The following COL9A3 variants were observed in gnomAD, a reference collection of about 807,000 sequenced individuals.
The protein encoded by COL9A3 is collagen alpha-3(IX) chain.
In COL9A3, 82 loss-of-function variants were observed where a neutral mutation model predicts 110.2. The ratio of observed to expected loss-of-function variants is 0.74; its 90% confidence interval spans 0.62 to 0.89. COL9A3 has a LOEUF of 0.89. Among genes scored for constraint, COL9A3 ranks in the 40% least tolerant of loss-of-function variants. The pLI is 0.00. For synonymous variants in COL9A3, 494 were observed against 403.8 expected, an observed-to-expected ratio of 1.22 and a Z score of -2.68; for missense variants, 1,066 against 981.3, an observed-to-expected ratio of 1.09 and a Z score of -1.15.
At chr20:62,836,079 T>G (rs2063632420) in intron 27 of COL9A3, 108 bp from the exon 28 acceptor site, 2 of 1,603,978 alleles carry the variant, frequency 1.2e-6, no homozygotes, top group Non-Finnish European at 1.7e-6. Context: ...AAGCTTGCTC[T>G]GGTCAAGGCT....
At chr20:62,836,772 G>C in intron 29 of COL9A3, 1 of 621,466 alleles carries the variant, frequency 1.6e-6, no homozygotes, top group Middle Eastern at 4.4e-4. Context: ...CGCAGCAGAC[G>C]CCCTAAAGCC....
chr20:62,825,262 A>G (rs1786106112), intron 12 of COL9A3, among the ~76,000 whole-genome samples: 1 of 152,114 alleles, frequency 6.6e-6, no homozygotes, highest in African/African-American at 2.4e-5. Context: ...TCTTCCAGAC[A>G]GGGCCTGGCT....
At chr20:62,822,563 G>T in intron 9 of COL9A3, 28 bp from the exon 10 acceptor site, 2 of 1,611,580 alleles carry the variant, frequency 1.2e-6, no homozygotes, top group Non-Finnish European at 1.7e-6. Context: ...GAGGGCGGGA[G>T]AATGTCAGCT....
In COL9A3 at chr20:62,822,648, C is replaced by T. The variant is rs1357270570; in HGVS notation, c.519+16C>T. 2.5e-6 allele frequency: 4 copies of T among 1,610,888 alleles called. No homozygotes were observed. Among genetic ancestry groups the T allele is most frequent in the African/African-American group, 1.3e-5 (1 of 74,878 alleles). ...TGACCTTCAGGTAGGCACTTGAAGC[C>T]ATTTGTTAAGGGTGCTGGGGGGTGC... is the stretch of plus-strand genomic sequence containing the variant. On this transcript the variant is annotated intron_variant, in intron 10 of 31. Coordinates refer to ENST00000649368, the MANE Select transcript of COL9A3 (RefSeq NM_001853.4).
intron 1 of COL9A3, 86 bp downstream of exon 1, chr20:62,817,228 AGCCTCGACGCCCCCAGCCCGTGTC>A: frequency 1.0e-6 from 1 of 1,000,106 alleles, no homozygotes; most frequent in Non-Finnish European, 1.3e-6. Flanking sequence ...TGCCCGGCGC[AGCCTCGACGCCCCCAGCCCGTGTC>A]GCCGTCGGGG....
At chr20:62,823,884 G>A (rs1316403726) in intron 10 of COL9A3, among the ~76,000 whole-genome samples, 1 of 152,354 alleles carries the variant, frequency 6.6e-6, no homozygotes, top group East Asian at 1.9e-4. Context: ...CCGTGGGGCC[G>A]GCTGCTCCAT....
chr20:62,825,330 C>G (rs564126446), intron 12 of COL9A3: 3 of 326,396 alleles, frequency 9.2e-6, no homozygotes, highest in Admixed American at 9.5e-5. Context: ...TGCCTGGCCT[C>G]GCTGTGGAAG....
chr20:62,829,060 C>A, intron 19 of COL9A3, 84 bp downstream of exon 19: 1 of 1,433,000 alleles, frequency 7.0e-7, no homozygotes, highest in South Asian at 1.2e-5. Flanking sequence ...GTGGGTTGGT[C>A]ACTGTAGGGC....
chr20:62,819,994 C>T lies in COL9A3; in HGVS notation c.309+12C>T, dbSNP rs370787653. On this transcript the variant is annotated intron_variant, in intron 5 of 31. Transcript: ENST00000649368. ...CCCCTGGGGAACGGGTAAGTGCCTG[C>T]GCCGAACCCAGTGGCTTGGGTTCAG... 40 of 1,612,462 alleles carry T rather than the reference C, an allele frequency of 2.5e-5. No homozygotes were observed. The African/African-American group carries it at 2.9e-4, about 12-fold the overall frequency.
upstream of COL9A3, chr20:62,817,008 G>A: frequency 1.9e-6 from 2 of 1,055,038 alleles, no homozygotes; most frequent in Non-Finnish European, 2.4e-6. Flanking sequence ...CCCACCTCCC[G>A]CCCCGCCCGC....
chr20:62,835,585 G>T (rs924636413), intron 26 of COL9A3, among the ~76,000 whole-genome samples: 1 of 152,184 alleles, frequency 6.6e-6, no homozygotes, highest in African/African-American at 2.4e-5. Context: ...GCTGGAGGGG[G>T]TTCCAGGGTT....
chr20:62,836,415 C>A (rs554991681), intron 28 of COL9A3, 63 bp from the exon 29 acceptor site: 124 of 1,613,474 alleles, frequency 7.7e-5, no homozygotes, highest in Middle Eastern at 6.6e-4. Flanking sequence ...TGCGGGGTGA[C>A]GGTGGGAATG....
intron 25 of COL9A3, chr20:62,832,706 T>TGGGTGGGGCCGTGGTCTGGCTGCC: frequency 5.5e-6 from 2 of 361,690 alleles, no homozygotes; most frequent in Non-Finnish European, 4.6e-6. Context: ...GTGCCTGCTC[T>TGGGTGGGGCCGTGGTCTGGCTGCC]CACTTCTAGG....
Position 62,840,591 on chromosome 20 carries a change from C to G in COL9A3, c.1914C>G (p.Pro638=). ...GTSKDGQDGA[P]GEPGPPGDPG... ...GCAAGGACGGCCAGGACGGTGCTCC[C>G]GGCGAGCCTGGGCCTCCCGGAGATC... Residue 638 remains proline, a synonymous_variant, in exon 32 of 32, where the codon CCC becomes CCG. Coordinates refer to ENST00000649368, the MANE Select transcript of COL9A3 (RefSeq NM_001853.4). 6.2e-7 allele frequency: 1 copy of G among 1,612,972 alleles called. No homozygotes were observed. Among genetic ancestry groups the G allele is most frequent in the Non-Finnish European group, 8.5e-7 (1 of 1,179,928 alleles).
rs1382184811 is a variant in COL9A3 at position 62,817,116 on chromosome 20, G to T, written c.52G>T (p.Glu18Ter). The change falls in exon 1 of 32, where the codon GAG becomes TAG. Residue 18 changes from glutamate (E) to a stop codon, truncating the protein, a stop_gained. Transcript: ENST00000649368. LOFTEE classifies it high-confidence loss of function. The stretch of plus-strand genomic sequence containing the variant: ...GCTCCTGCTCCTGCTCCTGCTCGGG[G>T]AGCTTCTGGCGGCCGCCGGGGCGCA... ...APLLLLLLLG[E>*]LLAAAGAQRV... 2 of 1,401,280 alleles carry T rather than the reference G, an allele frequency of 1.4e-6. No individual in the cohort carries two copies. Among genetic ancestry groups the T allele is most frequent in the South Asian group, 1.4e-5 (1 of 71,700 alleles). 86.8% of individuals were successfully genotyped at this position (1,401,280 alleles called of 1,614,324 possible). A position where few individuals can be genotyped will look rare whatever the true frequency, so the allele number is the denominator to read the frequency against.
At chr20:62,826,054 G>T in intron 13 of COL9A3, 150 bp from the exon 14 acceptor site, 2 of 1,067,500 alleles carry the variant, frequency 1.9e-6, no homozygotes, top group Non-Finnish European at 2.8e-6. Flanking sequence ...CTCAAGGCTG[G>T]TGCCCCCTCC....
rs534989733 is a variant in COL9A3, at chr20:62,828,968, G to A, written c.1000G>A (p.Gly334Arg). ...TGCTCCGGGAGAGAAGGGCCCCAAC[G>A]GGCTGCCGGTGAGTGCCCGGCGGGT... is the stretch of plus-strand genomic sequence containing the variant. ...NGAPGEKGPN[G>R]LPGLPGRAGS... The change falls in exon 19 of 32, where the codon GGG (glycine) becomes AGG (arginine). Residue 334 changes from glycine (G) to arginine (R), a missense_variant. Transcript: ENST00000649368. 13 of 1,607,666 alleles carry A rather than the reference G, an allele frequency of 8.1e-6. No homozygotes were observed. Among genetic ancestry groups the A allele is most frequent in the South Asian group, 2.2e-5 (2 of 90,662 alleles).
In COL9A3 at chr20:62,818,552, C is replaced by G; in HGVS notation, c.182C>G (p.Pro61Arg). The change falls in exon 3 of 32, where the codon CCG (proline) becomes CGG (arginine). Residue 61 changes from proline (P) to arginine (R), a missense_variant and splice_region_variant. Physicochemically the swap from Pro to Arg is moderately radical, Grantham distance 103. Transcript: ENST00000649368. Reference sequence around the variant, plus strand: ...GGTCCTCCAGGTCTGCCTGGGCCCCCGGTGAGTGTCCCTGGCTGGGGAGAC... The same window carrying G: ...GGTCCTCCAGGTCTGCCTGGGCCCCGGGTGAGTGTCCCTGGCTGGGGAGAC... ...EAGPPGLPGPPGPKGAPGKPG... is the reference protein window; with the variant it reads ...EAGPPGLPGPRGPKGAPGKPG... The G allele has an allele frequency of 6.2e-7, 1 of 1,612,910 alleles. No homozygotes were observed. The highest frequency in any genetic ancestry group is 8.5e-7 in the Non-Finnish European group (1 of 1,179,818).
In COL9A3 at chr20:62,840,587, C is replaced by T; in HGVS notation, c.1910C>T (p.Ala637Val). The change falls in exon 32 of 32, where the codon GCT becomes GTT. Residue 637 changes from alanine (A) to valine (V), a missense_variant. By Grantham distance (64) the Ala-to-Val change is moderately conservative. Transcript: ENST00000649368. ...ACCAGCAAGGACGGCCAGGACGGTG[C>T]TCCCGGCGAGCCTGGGCCTCCCGGA... ...PGTSKDGQDG[A>V]PGEPGPPGDP... 2 of 1,612,900 alleles carry T rather than the reference C, an allele frequency of 1.2e-6. No individual in the cohort carries two copies. The highest frequency in any genetic ancestry group is 1.8e-4 in the Middle Eastern group (1 of 5,538).
Sources: gnomAD v4.1 joint callset for allele counts (sites outside exome capture counted in the v4.1 genomes callset) on GRCh38, gnomAD v4.1.1 for gene constraint, MANE v1.5 for transcripts, NCBI Gene and HGNC (gene_info 2026-07-23, HGNC 2026-07-21) for gene names.